RNASET2: variants seen among roughly 807,000 people sequenced by gnomAD.
RNASET2 encodes ribonuclease 6.
RNASET2 carries 28 observed loss-of-function variants against 33.9 expected under a neutral mutation model. That is an observed-to-expected ratio of 0.83 (90% CI 0.61 to 1.13). The LOEUF (loss-of-function observed/expected upper bound fraction) is 1.13, where lower values mean the gene tolerates loss of function less well. Ranked by LOEUF, RNASET2 falls within the 50% of genes most tolerant of loss-of-function variation. The pLI is 0.00. For missense variants in RNASET2, 330 were observed against 319.9 expected (o/e 1.03, Z -0.24); for synonymous variants, 123 against 121.0 (o/e 1.02, Z -0.11).
Position 166,955,205 on chromosome 6 carries a change from A to ACG in RNASET2, c.86+891_86+892insCG, listed in dbSNP as rs1562506466. Reference sequence around the variant, plus strand: ...CACACACACGCACACACGCACGCACACACGCACGCACACACGCGCACACAC... The same window carrying ACG: ...CACACACACGCACACACGCACGCACACGCACGCACGCACACACGCGCACACAC... On this transcript the variant is annotated intron_variant, in intron 1 of 8. Transcript: ENST00000508775. 2.6e-4 allele frequency among the ~76,000 whole-genome samples: 29 copies of ACG among 111,176 alleles called. 1 individual carries two copies. The highest frequency in any genetic ancestry group is 1.1e-3 in the African/African-American group (26 of 24,062). 72.9% of individuals were successfully genotyped at this position (111,176 alleles called of 152,430 possible).
At chr6:166,955,313 ACACG>A (rs1562507295) in intron 1 of RNASET2, among the ~76,000 whole-genome samples, 1 of 53,040 alleles carries the variant, frequency 1.9e-5, no homozygotes, top group Non-Finnish European at 3.1e-5. Context: ...CACACGACAC[ACACG>A]CACACACACG....
intron 7 of RNASET2, 132 bp from the exon 8 acceptor site, chr6:166,931,250 T>G: frequency 1.4e-6 from 1 of 735,474 alleles, no homozygotes; most frequent in Non-Finnish European, 2.5e-6. Context: ...CCAGCACAGG[T>G]GTGAGAATGA....
At chr6:166,937,789 G>A (rs114320992) in intron 6 of RNASET2, among the ~76,000 whole-genome samples, 96 of 152,276 alleles carry the variant, frequency 6.3e-4, no homozygotes, top group African/African-American at 2.2e-3. Context: ...CTAATGCCAC[G>A]CGCTCTGGGA....
rs1357930031 is a variant in RNASET2, at chr6:166,924,857, A to G, written c.*4731T>C. Among the ~76,000 whole-genome samples, 1 of 152,222 alleles carries G rather than the reference A, an allele frequency of 6.6e-6. No individual in the cohort carries two copies. Among genetic ancestry groups the G allele is most frequent in the Non-Finnish European group, 1.5e-5 (1 of 68,042 alleles). ...CTCTTGGAGTGGGCCCAAGAGGAAA[A>G]GATCCCTGCTTATGGCCATGTCCCA... On this transcript the variant is annotated 3_prime_UTR_variant, in exon 9 of 9. Coordinates refer to ENST00000508775, the MANE Select transcript of RNASET2 (RefSeq NM_003730.6).
At position 166,929,547 on chromosome 6, in the gene RNASET2, T is replaced by C; in HGVS notation, c.*41A>G. The stretch of plus-strand genomic sequence containing the variant: ...TTTAGAAAGCTGCAGTTTGTGAATT[T>C]CTCTTGCTTTTTAAAACAGAATATT... On this transcript the variant is annotated 3_prime_UTR_variant, in exon 9 of 9. Transcript: ENST00000508775. 6.3e-7 allele frequency: 1 copy of C among 1,599,392 alleles called. No individual in the cohort carries two copies. Among genetic ancestry groups the C allele is most frequent in the South Asian group, 1.1e-5 (1 of 90,754 alleles).
chr6:166,949,987 C>A (rs1428613056), intron 2 of RNASET2, among the ~76,000 whole-genome samples: 1 of 152,256 alleles, frequency 6.6e-6, no homozygotes, highest in African/African-American at 2.4e-5. Context: ...AGGAAATACA[C>A]TCCTTAACAA....
intron 1 of RNASET2, 82 bp downstream of exon 1, chr6:166,956,015 C>G: frequency 1.4e-6 from 2 of 1,396,038 alleles, no homozygotes; most frequent in Non-Finnish European, 2.0e-6. Context: ...ACCGCCGACC[C>G]CGAGAGCTGC....
In RNASET2 at chr6:166,925,923, G is replaced by A. The variant is rs1340759784; in HGVS notation, c.*3665C>T. On this transcript the variant is annotated 3_prime_UTR_variant, in exon 9 of 9. Coordinates refer to ENST00000508775, the MANE Select transcript of RNASET2 (RefSeq NM_003730.6). ...GCCAACAGGGCAGGAGGGATTGAGG[G>A]AATGTCCCTGAGCCGCCATACTGGG... Among the ~76,000 whole-genome samples the A allele has an allele frequency of 2.6e-5, 4 of 152,172 alleles. No homozygotes were observed. Among genetic ancestry groups the A allele is most frequent in the Non-Finnish European group, 4.4e-5 (3 of 68,024 alleles).
rs369381631 is a variant in RNASET2 at position 166,930,466 on chromosome 6, TACAC to T, written c.567+574_567+577del. 5.9e-4 allele frequency among the ~76,000 whole-genome samples: 88 copies of T among 148,934 alleles called. No individual in the cohort carries two copies. In the South Asian group the frequency reaches 0.018, roughly 30 times the overall value. ...CACACAGCACATACCCACATGCATG[TACAC>T]ACACACACACACGCACATGCCCACA... On this transcript the variant is annotated intron_variant, in intron 8 of 8. Coordinates refer to ENST00000508775, the MANE Select transcript of RNASET2 (RefSeq NM_003730.6).
At chr6:166,944,720 G>A (rs1443610680) in intron 4 of RNASET2, among the ~76,000 whole-genome samples, 2 of 150,868 alleles carry the variant, frequency 1.3e-5, no homozygotes, top group Non-Finnish European at 3.0e-5. Context: ...TCCTGTCCTG[G>A]ACCCCCCGGG....
chr6:166,923,639 GA>G lies in RNASET2; in HGVS notation c.*5948del, dbSNP rs67263605. Reference sequence around the variant, plus strand: ...GAAAAAAAAAATAGAATTCTTATCAGAAAAAAAATGACATAAAACTGCATTT... The same window carrying G: ...GAAAAAAAAAATAGAATTCTTATCAGAAAAAAATGACATAAAACTGCATTT... On this transcript the variant is annotated 3_prime_UTR_variant, in exon 9 of 9. Transcript: ENST00000508775. Among the ~76,000 whole-genome samples, 15,185 of 151,732 alleles carry G rather than the reference GA, an allele frequency of 0.1. 925 individuals carry two copies. The highest frequency in any genetic ancestry group is 0.16 in the African/African-American group (6,680 of 41,338).
intron 1 of RNASET2, chr6:166,955,725 A>C (rs990596443): frequency 1.8e-6 from 2 of 1,141,288 alleles, no homozygotes; most frequent in African/African-American, 3.3e-5. Context: ...GGGAGTGTTC[A>C]GGGCTCCCCA....
At position 166,923,228 on chromosome 6, in the gene RNASET2, C is replaced by CTTTTTTTTATTTTTTTTT. The variant is rs1778258690; in HGVS notation, c.*6359_*6360insAAAAAAAAATAAAAAAAA. On this transcript the variant is annotated 3_prime_UTR_variant, in exon 9 of 9. Transcript: ENST00000508775. ...ACAGGCGTGAGCCACCAGGCCCGGCCTTTTTTTTTTTTTTTTTTTTTGAGA... is the reference window on the plus strand; with the variant it reads ...ACAGGCGTGAGCCACCAGGCCCGGCCTTTTTTTTATTTTTTTTTTTTTTTTTTTTTTTTTTTTTTGAGA... Among the ~76,000 whole-genome samples, 1 of 102,672 alleles carries CTTTTTTTTATTTTTTTTT rather than the reference C, an allele frequency of 9.7e-6. No individual in the cohort carries two copies. The highest frequency in any genetic ancestry group is 1.8e-5 in the Non-Finnish European group (1 of 54,584). 67.4% of individuals were successfully genotyped at this position (102,672 alleles called of 152,430 possible).
At chr6:166,938,572 T>G (rs773056631) in intron 6 of RNASET2, 2 of 601,282 alleles carry the variant, frequency 3.3e-6, no homozygotes, top group Non-Finnish European at 6.6e-6. Flanking sequence ...GCACTATCCT[T>G]TATCAGGAAT....
chr6:166,931,602 C>T (rs141990624), intron 7 of RNASET2: 12 of 187,732 alleles, frequency 6.4e-5, no homozygotes, highest in African/African-American at 1.7e-4. Flanking sequence ...CTACCGGTCC[C>T]GAAACTGCAA....
chr6:166,930,434 A>G (rs1040645457), intron 8 of RNASET2, among the ~76,000 whole-genome samples: 2 of 152,128 alleles, frequency 1.3e-5, no homozygotes, highest in Admixed American at 1.3e-4. Flanking sequence ...GCACAGGCCC[A>G]TGCACACACA....
Position 166,922,563 on chromosome 6 carries a change from A to C in RNASET2, c.*7025T>G, listed in dbSNP as rs536007142. Among the ~76,000 whole-genome samples, 1 of 152,196 alleles carries C rather than the reference A, an allele frequency of 6.6e-6. No homozygotes were observed. The highest frequency in any genetic ancestry group is 1.5e-5 in the Non-Finnish European group (1 of 68,032). On this transcript the variant is annotated 3_prime_UTR_variant, in exon 9 of 9. Transcript: ENST00000508775. ...ATGGCTGAGTCTATTCTGCTCTAAAACATTCAGAGAAAAACCAATCGGGTG... is the reference window on the plus strand; with the variant it reads ...ATGGCTGAGTCTATTCTGCTCTAAACCATTCAGAGAAAAACCAATCGGGTG...
chr6:166,922,445 T>G lies in RNASET2; in HGVS notation c.*7143A>C, dbSNP rs1008294238. On this transcript the variant is annotated 3_prime_UTR_variant, in exon 9 of 9. Coordinates refer to ENST00000508775, the MANE Select transcript of RNASET2 (RefSeq NM_003730.6). ...AATTGCCATAGGCTAGAGTCTCAGGTGTATAAAATTTCACTCATTGACTTA... is the reference window on the plus strand; with the variant it reads ...AATTGCCATAGGCTAGAGTCTCAGGGGTATAAAATTTCACTCATTGACTTA... 1.3e-5 allele frequency among the ~76,000 whole-genome samples: 2 copies of G among 152,190 alleles called. No individual in the cohort carries two copies. Among genetic ancestry groups the G allele is most frequent in the African/African-American group, 4.8e-5 (2 of 41,454 alleles).
intron 8 of RNASET2, among the ~76,000 whole-genome samples, 188 bp downstream of exon 8, chr6:166,930,856 C>T (rs1413588381): frequency 6.6e-6 from 1 of 150,908 alleles, no homozygotes; most frequent in East Asian, 2.0e-4. Flanking sequence ...CACACACATG[C>T]ACACACAGCA....
Sources: gnomAD v4.1 joint callset for allele counts (sites outside exome capture counted in the v4.1 genomes callset) on GRCh38, gnomAD v4.1.1 for gene constraint, MANE v1.5 for transcripts, NCBI Gene and HGNC (gene_info 2026-07-23, HGNC 2026-07-21) for gene names.